NBEA: variants seen among roughly 807,000 people sequenced by gnomAD.
NBEA encodes the protein lysosomal-trafficking regulator 2.
In NBEA, 44 loss-of-function variants were observed where a neutral mutation model predicts 343.4. The ratio of observed to expected loss-of-function variants is 0.13; its 90% CI spans 0.10 to 0.16. NBEA has a LOEUF of 0.16. Among genes scored for constraint, NBEA ranks in the 10% least tolerant of loss-of-function variants. NBEA has a pLI of 1.00. For missense variants in NBEA, 2,555 were observed against 3,631.3 expected, an observed-to-expected ratio of 0.70 and a Z score of 7.62; for synonymous variants, 1,175 against 1,238.7, an observed-to-expected ratio of 0.95 and a Z score of 1.08.
intron 40 of NBEA, among the ~76,000 whole-genome samples, chr13:35,467,939 T>C (rs2075458345): frequency 6.6e-6 from 1 of 152,254 alleles, no homozygotes; most frequent in Non-Finnish European, 1.5e-5. Context: ...CAAATACTTC[T>C]AACAATTCCA....
chr13:35,022,036 G>A (rs972013962), intron 1 of NBEA, among the ~76,000 whole-genome samples: 1 of 152,112 alleles, frequency 6.6e-6, no homozygotes, highest in Non-Finnish European at 1.5e-5. Context: ...GTAGTTGGCT[G>A]CAGAAGTCTT....
intron 10 of NBEA, among the ~76,000 whole-genome samples, chr13:35,093,852 G>C (rs2065201376): frequency 6.6e-6 from 1 of 151,808 alleles, no homozygotes; most frequent in Non-Finnish European, 1.5e-5. Flanking sequence ...TTAATCTGTG[G>C]TACTATTAGG....
At position 35,177,035 on chromosome 13, in the gene NBEA, A is replaced by G. The variant is rs1337981747; in HGVS notation, c.4594A>G (p.Lys1532Glu). Reference sequence around the variant, plus strand: ...TGTTCCAGGTAACCTTTCTCCTATTAAGGATCCGGATAGACTTCTTCAGGA... The same window carrying G: ...TGTTCCAGGTAACCTTTCTCCTATTGAGGATCCGGATAGACTTCTTCAGGA... ...ENVPGNLSPI[K>E]DPDRLLQDVD... is the part of the protein sequence containing the mutation. Residue 1532 changes from lysine to glutamate, a missense_variant, in exon 28 of 59, where the codon AAG becomes GAG. Transcript: ENST00000379939. 6.2e-7 allele frequency: 1 copy of G among 1,605,160 alleles called. No homozygotes were observed. Among genetic ancestry groups the G allele is most frequent in the East Asian group, 2.2e-5 (1 of 44,472 alleles).
chr13:35,004,473 A>G (rs149093171), intron 1 of NBEA, among the ~76,000 whole-genome samples: 25 of 152,312 alleles, frequency 1.6e-4, no homozygotes, highest in African/African-American at 5.8e-4. Context: ...TAAAGGGGGA[A>G]AAAAGCACTG....
At chr13:35,204,503 A>G (rs2073243498) in intron 31 of NBEA, among the ~76,000 whole-genome samples, 1 of 152,034 alleles carries the variant, frequency 6.6e-6, no homozygotes, top group South Asian at 2.1e-4. Context: ...CACAGGAAAG[A>G]CCGGCCCTCG....
chr13:35,176,614 G>A (rs1301340749), intron 27 of NBEA, among the ~76,000 whole-genome samples: 1 of 151,976 alleles, frequency 6.6e-6, no homozygotes, highest in Non-Finnish European at 1.5e-5. Context: ...TACTAGTGTA[G>A]TATAATAATC....
chr13:35,630,478 T>G (rs1206844169), intron 49 of NBEA, among the ~76,000 whole-genome samples: 1 of 152,186 alleles, frequency 6.6e-6, no homozygotes, highest in African/African-American at 2.4e-5. Flanking sequence ...GAACAATATC[T>G]TGTATTACAG....
chr13:35,648,827 G>A (rs9544886), intron 51 of NBEA, among the ~76,000 whole-genome samples: 19,318 of 147,398 alleles, frequency 0.13, 1,362 homozygotes, highest in South Asian at 0.2. Context: ...ACATGGACAC[G>A]TGACAGGGAA....
chr13:35,406,371 T>C (rs952049446), intron 38 of NBEA, among the ~76,000 whole-genome samples: 2 of 151,896 alleles, frequency 1.3e-5, no homozygotes, highest in Non-Finnish European at 2.9e-5. Context: ...AATAAGTTCT[T>C]TAGTGGTGAT....
chr13:35,481,328 G>A (rs151331375), intron 41 of NBEA, among the ~76,000 whole-genome samples: 48 of 151,878 alleles, frequency 3.2e-4, no homozygotes, highest in Non-Finnish European at 6.5e-4. Flanking sequence ...TGGATAACTA[G>A]CCAAAACTTT....
At chr13:35,210,256 G>A (rs2073677679) in intron 32 of NBEA, among the ~76,000 whole-genome samples, 1 of 151,740 alleles carries the variant, frequency 6.6e-6, no homozygotes, top group East Asian at 1.9e-4. Context: ...TGAGAAAAAT[G>A]TAAGTGATAA....
rs1404123225 is a variant in NBEA at position 35,208,697 on chromosome 13, C to T, written c.5367-3C>T. The T allele has an allele frequency of 2.3e-5, 35 of 1,548,382 alleles. 1 individual carries two copies. In the Admixed American group the frequency reaches 6.5e-4, roughly 29 times the overall value. ...TTATTTTCAATCCTTCATTTCTTTG[C>T]AGGAGTGTTGTGGTGCCTGTAAAGA... On this transcript the variant is annotated splice_polypyrimidine_tract_variant and splice_region_variant and intron_variant, in intron 31 of 58. Coordinates refer to ENST00000379939, the MANE Select transcript of NBEA (RefSeq NM_001385012.1).
chr13:35,040,548 A>C (rs937248639), intron 1 of NBEA, among the ~76,000 whole-genome samples: 3 of 151,814 alleles, frequency 2.0e-5, no homozygotes, highest in African/African-American at 7.2e-5. Context: ...TAGTAATGTC[A>C]AAAAAAATGA....
chr13:34,961,625 A>G (rs2059665055), intron 1 of NBEA, among the ~76,000 whole-genome samples: 1 of 152,100 alleles, frequency 6.6e-6, no homozygotes, highest in African/African-American at 2.4e-5. Context: ...GGCACTTCGG[A>G]TACAATGATC....
chr13:35,047,231 T>A (rs1408129642), intron 4 of NBEA, among the ~76,000 whole-genome samples: 10 of 136,286 alleles, frequency 7.3e-5, no homozygotes, highest in South Asian at 6.9e-4. Flanking sequence ...GTGTGTGTAT[T>A]TTTTTTAACA....
intron 45 of NBEA, among the ~76,000 whole-genome samples, chr13:35,576,665 G>A (rs1169624982): frequency 2.0e-5 from 3 of 152,026 alleles, no homozygotes; most frequent in Admixed American, 2.0e-4. Context: ...GACAACTGTT[G>A]ATATACTGTC....
intron 41 of NBEA, chr13:35,475,052 T>G: frequency 6.2e-7 from 1 of 1,608,034 alleles, no homozygotes; most frequent in Non-Finnish European, 8.5e-7. Flanking sequence ...CTTGATTAAA[T>G]CATCCTCTAA....
intron 37 of NBEA, among the ~76,000 whole-genome samples, chr13:35,349,905 A>C (rs1171790261): frequency 6.6e-6 from 1 of 152,112 alleles, no homozygotes. Context: ...GCTGAAAAGC[A>C]TGAGACAGGA....
At chr13:34,983,048 T>C (rs2060412960) in intron 1 of NBEA, among the ~76,000 whole-genome samples, 1 of 152,146 alleles carries the variant, frequency 6.6e-6, no homozygotes, top group Non-Finnish European at 1.5e-5. Flanking sequence ...ATACTTTAAG[T>C]TCTAGGGTAC....
Sources: allele counts gnomAD v4.1 joint callset (sites outside exome capture counted in the v4.1 genomes callset), GRCh38; gene constraint gnomAD v4.1.1; transcripts MANE v1.5; gene names NCBI Gene and HGNC (gene_info 2026-07-23, HGNC 2026-07-21).